The following ERMARD variants were observed in gnomAD, a reference collection of about 807,000 sequenced individuals.
ERMARD encodes ER membrane associated RNA degradation, also known as endoplasmic reticulum membrane-associated RNA degradation protein.
A neutral mutation model predicts 83.9 loss-of-function variants in ERMARD; 71 were observed. The ratio of observed to expected loss-of-function variants is 0.85; its 90% confidence interval spans 0.70 to 1.03. ERMARD has a LOEUF of 1.03. Among genes scored for constraint, ERMARD ranks in the 50% least tolerant of loss-of-function variants. The probability of loss-of-function intolerance (pLI) is 0.00; values close to 1 mark genes in which losing one functional copy is unlikely to be tolerated. For missense variants in ERMARD, 838 were observed against 810.9 expected (o/e 1.03, Z -0.41); for synonymous variants, 284 against 298.6 (o/e 0.95, Z 0.50).
chr6:169,779,668 G>A (rs1421008467), intron 17 of ERMARD, among the ~76,000 whole-genome samples: 1 of 152,088 alleles, frequency 6.6e-6, no homozygotes, highest in Non-Finnish European at 1.5e-5. Flanking sequence ...ATTTTTAAAT[G>A]TTTTTGTAGA....
rs779442856 is a variant in ERMARD at position 169,776,680 on chromosome 6, G to A, written c.1739+7G>A. On this transcript the variant is annotated splice_region_variant and intron_variant, in intron 16 of 17. Transcript: ENST00000366773. ...ACCTGCGTATGTGGAGTAGGTGCGC[G>A]CTCACTTTCCTGTTTTGGAGGGGCA... 1.2e-5 allele frequency: 19 copies of A among 1,612,664 alleles called. No individual in the cohort carries two copies. The highest frequency in any genetic ancestry group is 1.1e-4 in the South Asian group (10 of 91,006).
At chr6:169,753,218 C>T (rs752814096) in intron 1 of ERMARD, 1 of 154,252 alleles carries the variant, frequency 6.5e-6, no homozygotes, top group Non-Finnish European at 1.5e-5. Flanking sequence ...GAATTTATAT[C>T]CTGTCTTTGG....
At chr6:169,756,200 C>A in intron 3 of ERMARD, 138 bp from the exon 4 acceptor site, 1 of 458,476 alleles carries the variant, frequency 2.2e-6, no homozygotes, top group Non-Finnish European at 3.8e-6. Flanking sequence ...TATAATTATA[C>A]AGAAAATGTT....
In ERMARD at chr6:169,773,311, T is replaced by C; in HGVS notation, c.1234-8T>C. On this transcript the variant is annotated splice_polypyrimidine_tract_variant and splice_region_variant and intron_variant, in intron 12 of 17. Transcript: ENST00000366773. ...ACATGATAGTAACCACTGTTTTCTC[T>C]GCACTAGGAAAAATCAGCCGTAGAA... The C allele has an allele frequency of 6.2e-7, 1 of 1,613,660 alleles. No homozygotes were observed. The highest frequency in any genetic ancestry group is 8.5e-7 in the Non-Finnish European group (1 of 1,179,656).
In ERMARD at chr6:169,759,940, T is replaced by G; in HGVS notation, c.708T>G (p.Ser236=). ...CATTGGCACATCGCTCTTTCATATC[T>G]CTTACAAACCTCGAGGATTTGATTG... ...KLTLAHRSFI[S]LTNLEDLIVF... is the part of the protein sequence containing the mutation. Residue 236 remains serine, a synonymous_variant, in exon 7 of 18, where the codon TCT becomes TCG. Transcript: ENST00000366773. 1 of 1,614,214 alleles carries G rather than the reference T, an allele frequency of 6.2e-7. No individual in the cohort carries two copies. Among genetic ancestry groups the G allele is most frequent in the East Asian group, 2.2e-5 (1 of 44,882 alleles).
chr6:169,751,555 C>T (rs1022066985), upstream of ERMARD: 2 of 1,610,310 alleles, frequency 1.2e-6, no homozygotes, highest in African/African-American at 2.7e-5. Context: ...CCCACCTGCG[C>T]CTCGTACGGT....
In ERMARD at chr6:169,781,377, C is replaced by G; in HGVS notation, c.1901C>G (p.Thr634Ser). The G allele has an allele frequency of 6.2e-7, 1 of 1,612,486 alleles. No individual in the cohort carries two copies. Among genetic ancestry groups the G allele is most frequent in the Non-Finnish European group, 8.5e-7 (1 of 1,179,656 alleles). ...LQYTENLVAY[T>S]SYEKNKWNET... is the part of the protein sequence containing the mutation. Reference sequence around the variant, plus strand: ...TACACGGAGAACCTGGTGGCTTACACCAGTTACGAAAAGAACAAGTGGAAT... The same window carrying G: ...TACACGGAGAACCTGGTGGCTTACAGCAGTTACGAAAAGAACAAGTGGAAT... Residue 634 changes from threonine to serine, a missense_variant, in exon 18 of 18, where the codon ACC becomes AGC. By Grantham distance (58) the Thr-to-Ser change is moderately conservative. Coordinates refer to ENST00000366773, the MANE Select transcript of ERMARD (RefSeq NM_018341.3).
chr6:169,776,403 G>A (rs1425943580), intron 15 of ERMARD, 52 bp from the exon 16 acceptor site: 1 of 1,583,518 alleles, frequency 6.3e-7, no homozygotes, highest in Non-Finnish European at 8.6e-7. Context: ...GAAGGAGAGT[G>A]AGGCCCAGGT....
intron 9 of ERMARD, 122 bp downstream of exon 9, chr6:169,762,653 G>T: frequency 1.3e-6 from 1 of 748,828 alleles, no homozygotes; most frequent in Admixed American, 2.8e-5. Flanking sequence ...ATTTAGCTAA[G>T]AACTGTGGAA....
intron 11 of ERMARD, 131 bp downstream of exon 11, chr6:169,768,302 T>C (rs1792466424): frequency 1.3e-6 from 1 of 766,798 alleles, no homozygotes; most frequent in South Asian, 1.8e-5. Context: ...CTGTGCTGTC[T>C]CAGCTTCAGC....
chr6:169,776,376 G>T, intron 15 of ERMARD, 79 bp from the exon 16 acceptor site: 4 of 1,562,790 alleles, frequency 2.6e-6, no homozygotes, highest in Non-Finnish European at 2.6e-6. Flanking sequence ...CCAGAAAGCC[G>T]CAGCCTTGCA....
chr6:169,756,892 AAG>A, intron 5 of ERMARD, 84 bp downstream of exon 5: 1 of 1,275,276 alleles, frequency 7.8e-7, no homozygotes, highest in Non-Finnish European at 1.1e-6. Flanking sequence ...TAGGAAGAGA[AAG>A]AGGTTTAATT....
At chr6:169,758,491 G>A (rs559262349) in intron 5 of ERMARD, among the ~76,000 whole-genome samples, 21 of 152,334 alleles carry the variant, frequency 1.4e-4, no homozygotes, top group African/African-American at 4.1e-4. Flanking sequence ...CATGCTGCTC[G>A]GGCATCTGCC....
intron 11 of ERMARD, 35 bp from the exon 12 acceptor site, chr6:169,769,505 C>G: frequency 6.4e-7 from 1 of 1,572,128 alleles, no homozygotes; most frequent in Non-Finnish European, 8.6e-7. Context: ...GCTGCGGATA[C>G]TAACAAAATA....
At chr6:169,766,523 A>C in intron 9 of ERMARD, 115 bp from the exon 10 acceptor site, 1 of 716,944 alleles carries the variant, frequency 1.4e-6, no homozygotes, top group East Asian at 2.9e-5. Flanking sequence ...GTTTGTTTTA[A>C]CAAAAAACTT....
intron 12 of ERMARD, among the ~76,000 whole-genome samples, chr6:169,772,555 C>T (rs929670686): frequency 6.6e-6 from 1 of 152,134 alleles, no homozygotes; most frequent in East Asian, 1.9e-4. Context: ...CACCTGAGGT[C>T]AGGAGTTCGA....
At chr6:169,752,276 T>C (rs148342208) in intron 1 of ERMARD, among the ~76,000 whole-genome samples, 1 of 152,342 alleles carries the variant, frequency 6.6e-6, no homozygotes, top group East Asian at 1.9e-4. Context: ...ATGCTTTTCA[T>C]GTGTTATCTG....
Position 169,755,378 on chromosome 6 carries a change from G to C in ERMARD, c.271G>C (p.Glu91Gln). 1 of 1,614,204 alleles carries C rather than the reference G, an allele frequency of 6.2e-7. No individual in the cohort carries two copies. The highest frequency in any genetic ancestry group is 8.5e-7 in the Non-Finnish European group (1 of 1,180,036). Residue 91 changes from glutamate (E) to glutamine (Q), a missense_variant, in exon 3 of 18, where the codon GAA (glutamate) becomes CAA (glutamine). Physicochemically the swap from Glu to Gln is conservative, Grantham distance 29. Transcript: ENST00000366773. ...HFLSLTKGQF[E>Q]IRYAPWFQWT... is the part of the protein sequence containing the mutation. The stretch of plus-strand genomic sequence containing the variant: ...CTTATCTCTGACCAAGGGGCAATTT[G>C]AAATTCGATATGCACCGTGGTTCCA...
In ERMARD at chr6:169,781,358, G is replaced by A. The variant is rs370362341; in HGVS notation, c.1882G>A (p.Glu628Lys). The A allele has an allele frequency of 1.1e-5, 17 of 1,610,520 alleles. No individual in the cohort carries two copies. Among genetic ancestry groups the A allele is most frequent in the Non-Finnish European group, 1.3e-5 (15 of 1,179,298 alleles). Residue 628 changes from glutamate (E) to lysine (K), a missense_variant, in exon 18 of 18, where the codon GAG becomes AAG. By Grantham distance (56) the Glu-to-Lys change is moderately conservative. Transcript: ENST00000366773. ...KFVKSILQYT[E>K]NLVAYTSYEK... Reference sequence around the variant, plus strand: ...TGTAAAGTCGATCTTGCAGTACACGGAGAACCTGGTGGCTTACACCAGTTA... The same window carrying A: ...TGTAAAGTCGATCTTGCAGTACACGAAGAACCTGGTGGCTTACACCAGTTA...
Sources: gnomAD v4.1 joint callset for allele counts (sites outside exome capture counted in the v4.1 genomes callset) on GRCh38, gnomAD v4.1.1 for gene constraint, MANE v1.5 for transcripts, NCBI Gene and HGNC (gene_info 2026-07-23, HGNC 2026-07-21) for gene names.